Variants in EPHA6 observed in about 807,000 individuals in gnomAD.
The protein encoded by EPHA6 is ephrin type-A receptor 6.
In EPHA6, 50 loss-of-function variants were observed where a neutral mutation model predicts 112.0. That is an observed-to-expected ratio of 0.45 (90% CI 0.36 to 0.56). The LOEUF is 0.56. Ranked by LOEUF, EPHA6 falls within the 20% of genes least tolerant of loss-of-function variation. The pLI is 0.00. For missense variants in EPHA6, 1,280 were observed against 1,417.4 expected (o/e 0.90, Z 1.56); for synonymous variants, 529 against 490.7 (o/e 1.08, Z -1.03).
At chr3:97,210,569 C>A (rs1453461709) in intron 3 of EPHA6, among the ~76,000 whole-genome samples, 1 of 152,156 alleles carries the variant, frequency 6.6e-6, no homozygotes, top group Non-Finnish European at 1.5e-5. Flanking sequence ...CACTCCATCA[C>A]TTCCCTAGAT....
At chr3:96,888,492 C>A in intron 2 of EPHA6, among the ~76,000 whole-genome samples, 1 of 152,232 alleles carries the variant, frequency 6.6e-6, no homozygotes, top group African/African-American at 2.4e-5. Flanking sequence ...TGGCCAAACC[C>A]GGATTCTTGA....
intron 1 of EPHA6, among the ~76,000 whole-genome samples, chr3:96,844,892 C>T (rs1309969264): frequency 6.6e-6 from 1 of 151,830 alleles, no homozygotes; most frequent in Non-Finnish European, 1.5e-5. Flanking sequence ...GAAGCTGATC[C>T]TCAATTCATG....
At chr3:97,345,975 C>T (rs1489647254) in intron 5 of EPHA6, among the ~76,000 whole-genome samples, 2 of 152,036 alleles carry the variant, frequency 1.3e-5, no homozygotes, top group African/African-American at 4.8e-5. Context: ...AAAATTGTCA[C>T]AAAAATTTTA....
rs145463540 is a variant in EPHA6, at chr3:96,818,001, A to G, written c.385+2993A>G. 4.3e-3 allele frequency among the ~76,000 whole-genome samples: 654 copies of G among 152,090 alleles called. 7 individuals are homozygous for G. The highest frequency in any genetic ancestry group is 0.014 in the African/African-American group (602 of 41,542). On this transcript the variant is annotated intron_variant, in intron 1 of 17. Coordinates refer to ENST00000389672, the MANE Select transcript of EPHA6 (RefSeq NM_001080448.3). The stretch of plus-strand genomic sequence containing the variant: ...ATCAGAAAGTAAAGGTTCTTCCTAG[A>G]TCACTTCATCTGATTAAGTAAGTGG...
At chr3:97,747,370 T>G in intron 16 of EPHA6, 53 bp from the exon 17 acceptor site, 1 of 1,402,644 alleles carries the variant, frequency 7.1e-7, no homozygotes, top group Non-Finnish European at 9.4e-7. Flanking sequence ...GATTTGTGCT[T>G]TATTTGGCTT....
chr3:97,559,193 A>G (rs1370966517), intron 11 of EPHA6, among the ~76,000 whole-genome samples: 3 of 152,044 alleles, frequency 2.0e-5, no homozygotes, highest in Non-Finnish European at 4.4e-5. Flanking sequence ...CACAATACAC[A>G]TAACCAGCAT....
intron 11 of EPHA6, among the ~76,000 whole-genome samples, chr3:97,555,556 GTTC>G (rs1173166976): frequency 1.3e-5 from 2 of 152,140 alleles, no homozygotes; most frequent in Non-Finnish European, 2.9e-5. Flanking sequence ...GTGTAAAAGT[GTTC>G]TTATTTCTCC....
intron 6 of EPHA6, among the ~76,000 whole-genome samples, chr3:97,437,994 G>T (rs574562918): frequency 6.6e-6 from 1 of 152,156 alleles, no homozygotes; most frequent in South Asian, 2.1e-4. Context: ...TCTAGTAAAT[G>T]ATCTAAAACT....
chr3:97,235,393 C>G (rs1470876772), intron 4 of EPHA6, among the ~76,000 whole-genome samples: 1 of 152,052 alleles, frequency 6.6e-6, no homozygotes, highest in African/African-American at 2.4e-5. Flanking sequence ...GAATCATCAT[C>G]AATCCACCCA....
At chr3:97,555,643 A>T (rs1354432495) in intron 11 of EPHA6, among the ~76,000 whole-genome samples, 2 of 152,060 alleles carry the variant, frequency 1.3e-5, no homozygotes, top group Non-Finnish European at 2.9e-5. Flanking sequence ...ATTGTATCTC[A>T]TTGTGGTTTT....
chr3:97,519,762 GT>G (rs1403142894), intron 10 of EPHA6, among the ~76,000 whole-genome samples: 8 of 151,346 alleles, frequency 5.3e-5, no homozygotes, highest in African/African-American at 1.9e-4. Context: ...ACATTTCCTT[GT>G]TGATTTTTTT....
chr3:97,556,165 G>GA (rs2093106419), intron 11 of EPHA6, among the ~76,000 whole-genome samples: 1 of 151,864 alleles, frequency 6.6e-6, no homozygotes, highest in East Asian at 1.9e-4. Context: ...ATTCCTTCCT[G>GA]AAAAAACCAC....
intron 10 of EPHA6, among the ~76,000 whole-genome samples, chr3:97,500,460 G>A (rs1455833927): frequency 2.0e-5 from 3 of 152,028 alleles, no homozygotes; most frequent in African/African-American, 7.2e-5. Flanking sequence ...AGAGAGTGGA[G>A]GGGCAGGTGC....
At chr3:97,189,796 A>G (rs1282220799) in intron 3 of EPHA6, among the ~76,000 whole-genome samples, 4 of 152,148 alleles carry the variant, frequency 2.6e-5, no homozygotes, top group Admixed American at 2.6e-4. Flanking sequence ...CAGAAACTGT[A>G]TCTTCTACCA....
Position 96,940,273 on chromosome 3 carries a change from A to G in EPHA6, c.451-47057A>G, listed in dbSNP as rs190744417. ...AGATCTCAAAGGACTTGCTTTATGA[A>G]TCTGGGTGCTCCTGTATTGGGTGCA... On this transcript the variant is annotated intron_variant, in intron 2 of 17. Transcript: ENST00000389672. Among the ~76,000 whole-genome samples, 448 of 152,218 alleles carry G rather than the reference A, an allele frequency of 2.9e-3. 4 individuals are homozygous for G. Among genetic ancestry groups the G allele is most frequent in the African/African-American group, 9.8e-3 (406 of 41,526 alleles).
intron 1 of EPHA6, among the ~76,000 whole-genome samples, chr3:96,855,640 A>G (rs541022894): frequency 1.9e-4 from 29 of 152,202 alleles, no homozygotes; most frequent in Admixed American, 1.8e-3. Flanking sequence ...CAGCATTAAA[A>G]TAATAGTTGA....
chr3:96,999,249 A>G (rs939445066), intron 3 of EPHA6, among the ~76,000 whole-genome samples: 9 of 151,842 alleles, frequency 5.9e-5, no homozygotes, highest in Non-Finnish European at 1.0e-4. Context: ...AAAGTTTGTG[A>G]TTATACCAAC....
intron 5 of EPHA6, among the ~76,000 whole-genome samples, chr3:97,273,796 G>A (rs1450054210): frequency 6.6e-6 from 1 of 152,154 alleles, no homozygotes; most frequent in Non-Finnish European, 1.5e-5. Flanking sequence ...AAGGAATTAT[G>A]TCTGACAGAA....
chr3:96,907,069 C>T (rs374157071), intron 2 of EPHA6, among the ~76,000 whole-genome samples: 2 of 151,586 alleles, frequency 1.3e-5, no homozygotes, highest in Admixed American at 6.6e-5. Context: ...GTCCTACTCT[C>T]CTGATGAACT....
Sources: allele counts gnomAD v4.1 joint callset (sites outside exome capture counted in the v4.1 genomes callset), GRCh38; gene constraint gnomAD v4.1.1; transcripts MANE v1.5; gene names NCBI Gene and HGNC (gene_info 2026-07-23, HGNC 2026-07-21).